Variants in CAMK2B observed in about 807,000 individuals in gnomAD.
The protein encoded by CAMK2B is calcium/calmodulin dependent protein kinase II beta, also known as calcium/calmodulin-dependent protein kinase type II subunit beta.
CAMK2B carries 27 observed loss-of-function variants against 93.7 expected under a neutral mutation model. That is an observed-to-expected ratio of 0.29 (90% CI 0.21 to 0.40). The LOEUF (loss-of-function observed/expected upper bound fraction) is 0.40, where lower values mean the gene tolerates loss of function less well. Ranked by LOEUF, CAMK2B falls within the 10% of genes least tolerant of loss-of-function variation. CAMK2B has a pLI of 1.00. For synonymous variants in CAMK2B, 374 were observed against 358.8 expected (o/e 1.04, Z -0.48); for missense variants, 568 against 895.8 (o/e 0.63, Z 4.67).
chr7:44,277,920 G>A (rs527342613), intron 2 of CAMK2B, among the ~76,000 whole-genome samples: 5 of 152,338 alleles, frequency 3.3e-5, no homozygotes, highest in South Asian at 2.1e-4. Context: ...GCCCCACCAC[G>A]ATGGGAAGGA....
intron 2 of CAMK2B, chr7:44,266,863 AG>A (rs998800392): frequency 3.3e-5 from 5 of 152,318 alleles, no homozygotes; most frequent in African/African-American, 1.2e-4. Flanking sequence ...ACACCTCTGC[AG>A]GTTGTGAATC....
rs536658539 is a variant in CAMK2B, at chr7:44,248,746, G to A, written c.342-1554C>T. Among the ~76,000 whole-genome samples, 10 of 152,298 alleles carry A rather than the reference G, an allele frequency of 6.6e-5. No homozygotes were observed. Among genetic ancestry groups the A allele is most frequent in the East Asian group, 3.9e-4 (2 of 5,184 alleles). ...CCCGTCTTGGTCCCATCTGTACAGC[G>A]TCAGCCATTGCATTAAAAAGTGAAT... On this transcript the variant is annotated intron_variant, in intron 5 of 23. Transcript: ENST00000395749. This position sits in a 1 kb window ranked among gnomAD's most constrained non-coding sequence, Gnocchi z 4.1.
chr7:44,232,522 C>G (rs79289286), intron 16 of CAMK2B, among the ~76,000 whole-genome samples: 1 of 152,266 alleles, frequency 6.6e-6, no homozygotes, highest in Non-Finnish European at 1.5e-5. Flanking sequence ...CTGCTCCAGA[C>G]CTCAGGAAGC....
At chr7:44,291,245 G>A (rs117246126) in intron 1 of CAMK2B, among the ~76,000 whole-genome samples, 1 of 152,164 alleles carries the variant, frequency 6.6e-6, no homozygotes, top group Non-Finnish European at 1.5e-5. Context: ...TCCGCCAAGG[G>A]GGGAGAGTGT....
intron 1 of CAMK2B, among the ~76,000 whole-genome samples, chr7:44,317,325 T>C (rs1345096142): frequency 6.6e-6 from 1 of 151,536 alleles, no homozygotes; most frequent in Non-Finnish European, 1.5e-5. Flanking sequence ...TGTCACCATG[T>C]AGTCATAAGA....
rs773815200 is a variant in CAMK2B at position 44,242,608 on chromosome 7, G to A, written c.648C>T (p.Asp216=). 20 of 1,612,296 alleles carry A rather than the reference G, an allele frequency of 1.2e-5. No homozygotes were observed. The highest frequency in any genetic ancestry group is 3.3e-5 in the Admixed American group (2 of 59,818). The part of the protein sequence containing the change: ...ILLVGYPPFW[D]EDQHKLYQQI... Reference sequence around the variant, plus strand: ...GCTGGTACAGCTTGTGCTGGTCCTCGTCCCAGAAGGGTGGGTAGCCCACGA... The same window carrying A: ...GCTGGTACAGCTTGTGCTGGTCCTCATCCCAGAAGGGTGGGTAGCCCACGA... Residue 216 remains aspartate (D), a synonymous_variant, in exon 9 of 24, where the codon GAC becomes GAT. Coordinates refer to ENST00000395749, the MANE Select transcript of CAMK2B (RefSeq NM_001220.5).
chr7:44,272,320 AG>A (rs2096982695), intron 2 of CAMK2B, among the ~76,000 whole-genome samples: 1 of 152,058 alleles, frequency 6.6e-6, no homozygotes, highest in South Asian at 2.1e-4. Flanking sequence ...GTGGTGTCGA[AG>A]GGGGTAGGCG....
chr7:44,251,129 C>A (rs1323278318), intron 5 of CAMK2B, among the ~76,000 whole-genome samples: 1 of 152,078 alleles, frequency 6.6e-6, no homozygotes, highest in Non-Finnish European at 1.5e-5. Context: ...CTTGCCCTGG[C>A]TGCGTCTGTG....
intron 1 of CAMK2B, among the ~76,000 whole-genome samples, chr7:44,324,759 T>C (rs1289464063): frequency 6.6e-6 from 1 of 152,102 alleles, no homozygotes; most frequent in Non-Finnish European, 1.5e-5. Context: ...TCCAAATTCC[T>C]GTTTCCAGAA....
chr7:44,290,029 T>G (rs961218931), intron 1 of CAMK2B, among the ~76,000 whole-genome samples: 2 of 152,198 alleles, frequency 1.3e-5, no homozygotes, highest in African/African-American at 4.8e-5. Flanking sequence ...ACCGGTCGGT[T>G]GCAGTTCACA....
chr7:44,313,195 A>T (rs1409124348), intron 1 of CAMK2B, among the ~76,000 whole-genome samples: 1 of 152,122 alleles, frequency 6.6e-6, no homozygotes, highest in Non-Finnish European at 1.5e-5. Flanking sequence ...GTGACAGGCC[A>T]GCACTCCCTC....
intron 1 of CAMK2B, among the ~76,000 whole-genome samples, chr7:44,314,469 C>T (rs1794371501): frequency 3.9e-5 from 6 of 152,196 alleles, no homozygotes. Flanking sequence ...CATTTCATTC[C>T]TTTTTATGCC....
intron 1 of CAMK2B, among the ~76,000 whole-genome samples, chr7:44,296,025 G>A (rs1480595210): frequency 1.3e-5 from 2 of 152,060 alleles, no homozygotes; most frequent in African/African-American, 2.4e-5. Flanking sequence ...TCACCACATC[G>A]CTTTTACCCG....
chr7:44,277,758 A>T (rs2097061452), intron 2 of CAMK2B, among the ~76,000 whole-genome samples: 2 of 151,166 alleles, frequency 1.3e-5, no homozygotes, highest in South Asian at 4.2e-4. Flanking sequence ...CACCTCCCTG[A>T]ATAGCAGGGG....
At chr7:44,272,176 G>A (rs995001692) in intron 2 of CAMK2B, among the ~76,000 whole-genome samples, 5 of 152,178 alleles carry the variant, frequency 3.3e-5, no homozygotes, top group Admixed American at 3.3e-4. Context: ...ATCTGGGGCG[G>A]GGAATTGGGG....
At chr7:44,240,592 G>C in intron 12 of CAMK2B, 115 bp downstream of exon 12, 2 of 1,216,484 alleles carry the variant, frequency 1.6e-6, no homozygotes, top group Non-Finnish European at 2.4e-6. Flanking sequence ...GGCAGACGCC[G>C]AGGGCAGGCC....
chr7:44,277,709 CCCA>C (rs770738282), intron 2 of CAMK2B, among the ~76,000 whole-genome samples: 22 of 152,158 alleles, frequency 1.4e-4, no homozygotes, highest in Non-Finnish European at 2.5e-4. Context: ...ATCCTTCTCC[CCCA>C]CCAACCCTTG....
In CAMK2B at chr7:44,258,940, G is replaced by T. The variant is rs376620196; in HGVS notation, c.221-14C>A. Reference sequence around the variant, plus strand: ...CGTGGAGACGCACTGTGGGGACAGAGAAGCCATGAGGGGCTGGCAATAGCC... The same window carrying T: ...CGTGGAGACGCACTGTGGGGACAGATAAGCCATGAGGGGCTGGCAATAGCC... On this transcript the variant is annotated splice_polypyrimidine_tract_variant and intron_variant, in intron 3 of 23. Coordinates refer to ENST00000395749, the MANE Select transcript of CAMK2B (RefSeq NM_001220.5). 8 of 1,612,772 alleles carry T rather than the reference G, an allele frequency of 5.0e-6. No individual in the cohort carries two copies. Among genetic ancestry groups the T allele is most frequent in the Admixed American group, 1.7e-5 (1 of 59,980 alleles).
In CAMK2B at chr7:44,242,344, C is replaced by A; in HGVS notation, c.697-4G>T. 2 of 1,612,062 alleles carry A rather than the reference C, an allele frequency of 1.2e-6. No homozygotes were observed. Among genetic ancestry groups the A allele is most frequent in the Non-Finnish European group, 1.7e-6 (2 of 1,178,824 alleles). On this transcript the variant is annotated splice_region_variant and splice_polypyrimidine_tract_variant and intron_variant, in intron 9 of 23. Transcript: ENST00000395749. ...TGTCCCACTCAGGGGACGGGAACTG[C>A]AGAAGGAAACAGCGCCCCGGCCGGG...
Sources: allele counts gnomAD v4.1 joint callset (sites outside exome capture counted in the v4.1 genomes callset), GRCh38; gene constraint gnomAD v4.1.1; non-coding constraint Gnocchi (gnomAD v3.1); transcripts MANE v1.5; gene names NCBI Gene and HGNC (gene_info 2026-07-23, HGNC 2026-07-21).